DSCAM: variants seen among roughly 807,000 people sequenced by gnomAD.
DSCAM encodes cell adhesion molecule DSCAM.
Under a neutral mutation model 217.7 loss-of-function variants are expected in DSCAM, and 47 were observed. The observed-to-expected ratio is 0.22, with a 90% confidence interval of 0.17 to 0.28. The LOEUF is 0.28. DSCAM is among the 10% of genes least tolerant of loss of function. The pLI is 1.00. For missense variants in DSCAM, 2,080 were observed against 2,618.3 expected, an observed-to-expected ratio of 0.79 and a Z score of 4.49; for synonymous variants, 1,056 against 1,015.3, an observed-to-expected ratio of 1.04 and a Z score of -0.76.
intron 19 of DSCAM, among the ~76,000 whole-genome samples, chr21:40,128,600 C>T (rs1345380069): frequency 1.3e-5 from 2 of 151,624 alleles, no homozygotes; most frequent in African/African-American, 2.4e-5. Flanking sequence ...GTGAGACTTT[C>T]CTATTGGTCC....
At chr21:40,056,619 G>A (rs1032540974) in intron 28 of DSCAM, among the ~76,000 whole-genome samples, 1 of 152,036 alleles carries the variant, frequency 6.6e-6, no homozygotes, top group African/African-American at 2.4e-5. Flanking sequence ...ACATTAGAAG[G>A]GTGGTTGTTC....
Position 40,342,626 on chromosome 21 carries a change from G to GTA in DSCAM, c.1211-3213_1211-3212dup, listed in dbSNP as rs1244685654. On this transcript the variant is annotated intron_variant, in intron 6 of 32. Transcript: ENST00000400454. ...TATGTGTATATGTGTGTGTGTGTGT[G>GTA]TATATATATATATATATATATATTT... 9.3e-3 allele frequency among the ~76,000 whole-genome samples: 883 copies of GTA among 94,648 alleles called. 24 individuals are homozygous for GTA. Among genetic ancestry groups the GTA allele is most frequent in the South Asian group, 0.017 (48 of 2,778 alleles). The allele number at this position is 94,648 out of a possible 152,430, so 62.1% of individuals were successfully genotyped here.
intron 3 of DSCAM, among the ~76,000 whole-genome samples, chr21:40,487,736 A>G (rs2076042202): frequency 6.6e-6 from 1 of 152,204 alleles, no homozygotes; most frequent in African/African-American, 2.4e-5. Context: ...GCTTCTAGAA[A>G]CATTCTAGAG....
rs1190830968 is a variant in DSCAM at position 40,093,583 on chromosome 21, A to G, written c.3850+138T>C. The G allele has an allele frequency of 1.5e-5, 16 of 1,066,616 alleles. No individual in the cohort carries two copies. The East Asian group carries it at 4.2e-4, about 28-fold the overall frequency. The allele number at this position is 1,066,616 out of a possible 1,614,324, so 66.1% of individuals were successfully genotyped here. A position where few individuals can be genotyped will look rare whatever the true frequency, so the allele number is the denominator to read the frequency against. On this transcript the variant is annotated intron_variant, in intron 21 of 32. Transcript: ENST00000400454. ...AGAAGCTCAGAGCTTGTTAGCCACA[A>G]CCCTGTTTCTTGAGCTAAAATGTGA...
At chr21:40,561,740 A>G (rs1043786959) in intron 3 of DSCAM, among the ~76,000 whole-genome samples, 1 of 152,192 alleles carries the variant, frequency 6.6e-6, no homozygotes. Context: ...ATGAAACAAT[A>G]ATGACGAGAC....
chr21:40,608,424 T>C (rs721506), intron 3 of DSCAM, among the ~76,000 whole-genome samples: 66,567 of 152,132 alleles, frequency 0.44, 14,916 homozygotes, highest in East Asian at 0.56. Flanking sequence ...GTATACCAGG[T>C]AACATTGTAT....
intron 20 of DSCAM, among the ~76,000 whole-genome samples, chr21:40,105,540 G>A (rs889448445): frequency 1.3e-5 from 2 of 152,128 alleles, no homozygotes; most frequent in African/African-American, 2.4e-5. Context: ...CTGCTGCCAC[G>A]TGAAGAAGGA....
At chr21:40,837,579 T>C (rs1385779089) in intron 1 of DSCAM, among the ~76,000 whole-genome samples, 1 of 152,238 alleles carries the variant, frequency 6.6e-6, no homozygotes, top group Non-Finnish European at 1.5e-5. Context: ...CATTCTGCTG[T>C]CACGTTAAGG....
rs182572841 is a variant in DSCAM, at chr21:40,134,721, A to G, written c.3407-712T>C. Among the ~76,000 whole-genome samples, 276 of 152,350 alleles carry G rather than the reference A, an allele frequency of 1.8e-3. 3 individuals carry two copies. Among genetic ancestry groups the G allele is most frequent in the African/African-American group, 6.4e-3 (264 of 41,574 alleles). Reference sequence around the variant, plus strand: ...TGCTTGATTGTGGCGAGCATTTCACATTGGATACATACATCAAAACAAGCT... The same window carrying G: ...TGCTTGATTGTGGCGAGCATTTCACGTTGGATACATACATCAAAACAAGCT... On this transcript the variant is annotated intron_variant, in intron 18 of 32. Coordinates refer to ENST00000400454, the MANE Select transcript of DSCAM (RefSeq NM_001389.5).
intron 3 of DSCAM, among the ~76,000 whole-genome samples, chr21:40,424,993 G>C (rs2075458312): frequency 6.6e-6 from 1 of 152,044 alleles, no homozygotes; most frequent in South Asian, 2.1e-4. Flanking sequence ...AGCTATTCTG[G>C]AGGCTGAGGC....
chr21:40,442,051 CCAAA>C (rs1288307925), intron 3 of DSCAM, among the ~76,000 whole-genome samples: 1 of 152,112 alleles, frequency 6.6e-6, no homozygotes, highest in Non-Finnish European at 1.5e-5. Flanking sequence ...ATGAAGACAA[CCAAA>C]CAATTACAAC....
chr21:40,065,363 A>C lies in DSCAM; in HGVS notation c.4889-2464T>G, dbSNP rs187921055. Among the ~76,000 whole-genome samples the C allele has an allele frequency of 1.5e-3, 234 of 152,200 alleles. 1 individual carries two copies. Among genetic ancestry groups the C allele is most frequent in the African/African-American group, 5.5e-3 (228 of 41,524 alleles). ...GTGTTTTTCATATCCCCATAGAGAG[A>C]GTGCAAAAAGAAGATGGCAAAATCT... On this transcript the variant is annotated intron_variant, in intron 27 of 32. Transcript: ENST00000400454.
intron 3 of DSCAM, among the ~76,000 whole-genome samples, chr21:40,494,637 A>C (rs1233109653): frequency 6.6e-6 from 1 of 151,824 alleles, no homozygotes; most frequent in Non-Finnish European, 1.5e-5. Flanking sequence ...GTTTTTAACA[A>C]AAAAACTTTT....
At chr21:40,783,446 T>C (rs961617074) in intron 1 of DSCAM, among the ~76,000 whole-genome samples, 4 of 152,122 alleles carry the variant, frequency 2.6e-5, no homozygotes, top group South Asian at 2.1e-4. Flanking sequence ...TACGTGTGTG[T>C]GCGTGTGTGT....
chr21:40,371,397 C>T lies in DSCAM; in HGVS notation c.509-2152G>A, dbSNP rs781590910. Among the ~76,000 whole-genome samples the T allele has an allele frequency of 8.9e-5, 13 of 146,884 alleles. 1 individual carries two copies. Among genetic ancestry groups the T allele is most frequent in the Non-Finnish European group, 1.8e-4 (12 of 67,054 alleles). ...TTTAATAATCAGTTCCTTTAAAGTA[C>T]AGTTTGATAGACAGAAAGGAAAGTC... is the stretch of plus-strand genomic sequence containing the variant. On this transcript the variant is annotated intron_variant, in intron 3 of 32. Transcript: ENST00000400454.
At chr21:40,097,651 C>G (rs928766628) in intron 20 of DSCAM, among the ~76,000 whole-genome samples, 1 of 152,018 alleles carries the variant, frequency 6.6e-6, no homozygotes, top group Non-Finnish European at 1.5e-5. Flanking sequence ...AAGAAATGTA[C>G]TTGAAATAGG....
At chr21:40,062,940 C>A (rs2089146159) in intron 27 of DSCAM, 41 bp from the exon 28 acceptor site, 3 of 1,543,030 alleles carry the variant, frequency 1.9e-6, no homozygotes, top group Admixed American at 2.1e-5. Flanking sequence ...GTAAATAACT[C>A]ATTAACATTC....
At chr21:40,838,088 T>G (rs1223983613) in intron 1 of DSCAM, among the ~76,000 whole-genome samples, 2 of 152,214 alleles carry the variant, frequency 1.3e-5, no homozygotes, top group Non-Finnish European at 2.9e-5. Context: ...GTTTCCTTAT[T>G]ATATAGGAAA....
intron 32 of DSCAM, among the ~76,000 whole-genome samples, chr21:40,017,674 C>T (rs908968639): frequency 6.6e-6 from 1 of 152,046 alleles, no homozygotes; most frequent in African/African-American, 2.4e-5. Context: ...CCCTCAGCCT[C>T]CTGAGTAGCT....
Sources: allele counts gnomAD v4.1 joint callset (sites outside exome capture counted in the v4.1 genomes callset), GRCh38; gene constraint gnomAD v4.1.1; transcripts MANE v1.5; gene names NCBI Gene and HGNC (gene_info 2026-07-23, HGNC 2026-07-21).